Variants in EXOC4 observed in about 807,000 individuals in gnomAD.
The protein encoded by EXOC4 is exocyst complex component 4.
In EXOC4, 71 loss-of-function variants were observed where a neutral mutation model predicts 107.2. The observed-to-expected ratio is 0.66, with a 90% confidence interval of 0.55 to 0.81. The LOEUF is 0.81. EXOC4 is among the 30% of genes least tolerant of loss of function. The pLI is 0.00. For missense variants in EXOC4, 1,108 were observed against 1,189.6 expected, an observed-to-expected ratio of 0.93 and a Z score of 1.01; for synonymous variants, 456 against 441.2, an observed-to-expected ratio of 1.03 and a Z score of -0.42.
intron 14 of EXOC4, among the ~76,000 whole-genome samples, chr7:133,959,333 AGAG>A (rs1800887622): frequency 6.6e-6 from 1 of 152,172 alleles, no homozygotes; most frequent in Admixed American, 6.5e-5. Flanking sequence ...TCATGAAACA[AGAG>A]TAGTATAGTA....
At chr7:133,785,311 T>C (rs1796545702) in intron 10 of EXOC4, among the ~76,000 whole-genome samples, 1 of 151,958 alleles carries the variant, frequency 6.6e-6, no homozygotes, top group African/African-American at 2.4e-5. Context: ...AAAAAATCGG[T>C]ATTTGATCAA....
At chr7:134,063,045 G>A (rs1796102360) in intron 17 of EXOC4, among the ~76,000 whole-genome samples, 1 of 152,302 alleles carries the variant, frequency 6.6e-6, no homozygotes, top group East Asian at 1.9e-4. Context: ...AATTTTGAAT[G>A]GCACCTCTGC....
intron 10 of EXOC4, among the ~76,000 whole-genome samples, chr7:133,720,238 C>T (rs1385578631): frequency 1.3e-5 from 2 of 152,176 alleles, no homozygotes; most frequent in Non-Finnish European, 2.9e-5. Context: ...CACTTAAGAT[C>T]TCTGAGCCTT....
intron 1 of EXOC4, among the ~76,000 whole-genome samples, chr7:133,263,764 G>A (rs1197126876): frequency 3.1e-5 from 2 of 64,006 alleles, no homozygotes; most frequent in African/African-American, 6.6e-5. Context: ...TGTATATGTT[G>A]GGGGGAGGGA....
At position 133,548,803 on chromosome 7, in the gene EXOC4, C is replaced by G. The variant is rs1325898048; in HGVS notation, c.1417+68665C>G. ...TTGGTTTGATCTTCTATCCAGACCA[C>G]TAAAACTTTCGCCATGTAAGAAATG... On this transcript the variant is annotated intron_variant, in intron 9 of 17. Transcript: ENST00000253861. Among the ~76,000 whole-genome samples the G allele has an allele frequency of 2.0e-5, 3 of 152,328 alleles. No individual in the cohort carries two copies. The East Asian group carries it at 5.8e-4, about 29-fold the overall frequency.
intron 10 of EXOC4, among the ~76,000 whole-genome samples, chr7:133,714,150 CTT>C (rs1794952712): frequency 6.6e-6 from 1 of 152,080 alleles, no homozygotes; most frequent in Non-Finnish European, 1.5e-5. Flanking sequence ...GCAAAAAACT[CTT>C]TTGCAGTTTA....
At chr7:133,488,451 C>T (rs911396064) in intron 9 of EXOC4, among the ~76,000 whole-genome samples, 20 of 151,802 alleles carry the variant, frequency 1.3e-4, no homozygotes, top group African/African-American at 4.4e-4. Context: ...GTGTGGGCAC[C>T]CAGGGTACTA....
intron 7 of EXOC4, among the ~76,000 whole-genome samples, chr7:133,429,154 C>T (rs1697050000): frequency 2.0e-5 from 3 of 151,892 alleles, no homozygotes; most frequent in Admixed American, 2.0e-4. Flanking sequence ...AGTGAAAGGG[C>T]ACTGAAAGAA....
intron 7 of EXOC4, among the ~76,000 whole-genome samples, chr7:133,438,175 A>G (rs1306351874): frequency 6.6e-6 from 1 of 152,170 alleles, no homozygotes; most frequent in African/African-American, 2.4e-5. Flanking sequence ...CTTGTTCATT[A>G]TCATTTTCCC....
chr7:133,628,913 T>C (rs942028657), intron 9 of EXOC4, among the ~76,000 whole-genome samples: 2 of 152,190 alleles, frequency 1.3e-5, no homozygotes, highest in South Asian at 2.1e-4. Context: ...GAATAAAATA[T>C]AGGATGCAGC....
chr7:133,457,020 G>T lies in EXOC4; in HGVS notation c.1183-18308G>T, dbSNP rs187176617. 3.3e-5 allele frequency among the ~76,000 whole-genome samples: 5 copies of T among 152,256 alleles called. No individual in the cohort carries two copies. In the East Asian group the frequency reaches 5.8e-4, roughly 18 times the overall value. ...CATAAACTATCTTAATCATCTTTTC[G>T]TGGGCAATACCTAACATAGTGCCCT... On this transcript the variant is annotated intron_variant, in intron 7 of 17. Coordinates refer to ENST00000253861, the MANE Select transcript of EXOC4 (RefSeq NM_021807.4).
intron 10 of EXOC4, among the ~76,000 whole-genome samples, chr7:133,648,624 CTGTT>C (rs1000869187): frequency 6.6e-6 from 1 of 152,150 alleles, no homozygotes; most frequent in Non-Finnish European, 1.5e-5. Context: ...ACTTAAAAGA[CTGTT>C]TGTTAGTGCC....
intron 11 of EXOC4, among the ~76,000 whole-genome samples, chr7:133,872,588 C>T (rs1798772978): frequency 6.6e-6 from 1 of 152,008 alleles, no homozygotes; most frequent in South Asian, 2.1e-4. Context: ...TAAAAAAAAT[C>T]TTAGTGATAA....
chr7:133,987,278 T>C (rs1429000158), intron 14 of EXOC4, among the ~76,000 whole-genome samples: 4 of 152,022 alleles, frequency 2.6e-5, no homozygotes, highest in African/African-American at 7.2e-5. Context: ...GTAGGCAACA[T>C]AGCGAGACCC....
chr7:133,962,076 A>G (rs1800958625), intron 14 of EXOC4, among the ~76,000 whole-genome samples: 1 of 152,212 alleles, frequency 6.6e-6, no homozygotes, highest in African/African-American at 2.4e-5. Context: ...ATCTCCTAGC[A>G]GTTTATGAAT....
At chr7:133,683,658 A>G (rs997694165) in intron 10 of EXOC4, among the ~76,000 whole-genome samples, 2 of 152,202 alleles carry the variant, frequency 1.3e-5, no homozygotes, top group African/African-American at 4.8e-5. Context: ...AAACAAGAAA[A>G]GCAAGGAAAA....
At chr7:133,701,997 C>CTTTTTTTTTTTTTTT (rs71162021) in intron 10 of EXOC4, among the ~76,000 whole-genome samples, 3 of 66,604 alleles carry the variant, frequency 4.5e-5, no homozygotes, top group African/African-American at 5.4e-5. Flanking sequence ...TTCTTTCTTT[C>CTTTTTTTTTTTTTTT]TTTTTTTTTT....
intron 9 of EXOC4, among the ~76,000 whole-genome samples, chr7:133,513,844 T>C (rs968112137): frequency 6.6e-6 from 1 of 152,194 alleles, no homozygotes; most frequent in Non-Finnish European, 1.5e-5. Context: ...TCTTGGTTAT[T>C]ATGAAGATTC....
At chr7:133,553,902 A>G (rs62469988) in intron 9 of EXOC4, among the ~76,000 whole-genome samples, 14,315 of 152,216 alleles carry the variant, frequency 0.094, 773 homozygotes, top group Middle Eastern at 0.14. Flanking sequence ...TGGTGCTTAC[A>G]TTTGTACTTT....
Sources: allele counts gnomAD v4.1 joint callset (sites outside exome capture counted in the v4.1 genomes callset), GRCh38; gene constraint gnomAD v4.1.1; transcripts MANE v1.5; gene names NCBI Gene and HGNC (gene_info 2026-07-23, HGNC 2026-07-21).